Variants in ATP6V0A4 observed in about 807,000 individuals in gnomAD.
The protein encoded by ATP6V0A4 is ATPase H+ transporting V0 subunit a4.
A neutral mutation model predicts 107.3 loss-of-function variants in ATP6V0A4; 86 were observed. The ratio of observed to expected loss-of-function variants is 0.80; its 90% CI spans 0.67 to 0.96. The LOEUF is 0.96. Ranked by LOEUF, ATP6V0A4 falls within the 40% of genes least tolerant of loss-of-function variation. ATP6V0A4 has a pLI of 0.00. For synonymous variants in ATP6V0A4, 353 were observed against 381.4 expected (o/e 0.93, Z 0.87); for missense variants, 908 against 1,045.6 (o/e 0.87, Z 1.81).
chr7:138,747,275 T>C, intron 13 of ATP6V0A4, 150 bp downstream of exon 13: 1 of 1,031,410 alleles, frequency 9.7e-7, no homozygotes. Context: ...GAATTACCTT[T>C]GGCCAGAAGT....
At position 138,745,296 on chromosome 7, in the gene ATP6V0A4, C is replaced by CAGAGAGG. The variant is rs1805857549; in HGVS notation, c.1321-23_1321-17dup. 1 of 1,613,636 alleles carries CAGAGAGG rather than the reference C, an allele frequency of 6.2e-7. No individual in the cohort carries two copies. The highest frequency in any genetic ancestry group is 1.3e-5 in the African/African-American group (1 of 74,884). On this transcript the variant is annotated splice_polypyrimidine_tract_variant and intron_variant, in intron 13 of 21. Coordinates refer to ENST00000310018, the MANE Select transcript of ATP6V0A4 (RefSeq NM_020632.3). ...TGTTCCAAATCTGGCCTCAGAGAGA[C>CAGAGAGG]AGAGAGGATGATTGTCAGTGGGCTC... is the stretch of plus-strand genomic sequence containing the variant.
At position 138,759,857 on chromosome 7, in the gene ATP6V0A4, G is replaced by T; in HGVS notation, c.534C>A (p.Asn178Lys). ...GKLGFIAGVI[N>K]RERMASFERL... The stretch of plus-strand genomic sequence containing the variant: ...GCTCAAAGGAAGCCATCCTCTCCCT[G>T]TTGATCACACCGGCTATGAACCTAG... Residue 178 changes from asparagine to lysine, a missense_variant, in exon 8 of 22, where the codon AAC (asparagine) becomes AAA (lysine). Asn to Lys is a moderately conservative substitution (Grantham distance 94). Coordinates refer to ENST00000310018, the MANE Select transcript of ATP6V0A4 (RefSeq NM_020632.3). The T allele has an allele frequency of 6.2e-7, 1 of 1,614,098 alleles. No homozygotes were observed. The highest frequency in any genetic ancestry group is 8.5e-7 in the Non-Finnish European group (1 of 1,180,020).
At chr7:138,729,446 A>G (rs1804878972) in intron 17 of ATP6V0A4, among the ~76,000 whole-genome samples, 2 of 152,232 alleles carry the variant, frequency 1.3e-5, no homozygotes, top group African/African-American at 2.4e-5. Context: ...AATTTACTCA[A>G]CAGGCTCTGG....
chr7:138,758,738 A>AGTTTT, intron 8 of ATP6V0A4, among the ~76,000 whole-genome samples: 1 of 72,036 alleles, frequency 1.4e-5, no homozygotes, highest in Admixed American at 2.3e-4. Flanking sequence ...ACTGACTCAG[A>AGTTTT]ATTTTTTTTT....
At chr7:138,726,365 G>A (rs187820354) in intron 18 of ATP6V0A4, among the ~76,000 whole-genome samples, 1 of 152,330 alleles carries the variant, frequency 6.6e-6, no homozygotes, top group African/African-American at 2.4e-5. Flanking sequence ...TGGGTTCATA[G>A]CAGCAAGTCA....
intron 10 of ATP6V0A4, among the ~76,000 whole-genome samples, chr7:138,753,857 A>G (rs1806363208): frequency 6.6e-6 from 1 of 152,218 alleles, no homozygotes; most frequent in African/African-American, 2.4e-5. Flanking sequence ...CTCAAAGAGC[A>G]TAGCCCGAAT....
chr7:138,757,321 G>T (rs1806560567), intron 8 of ATP6V0A4, among the ~76,000 whole-genome samples: 1 of 152,136 alleles, frequency 6.6e-6, no homozygotes, highest in Non-Finnish European at 1.5e-5. Flanking sequence ...TTCAAGACCA[G>T]CCTGGGCAAC....
In ATP6V0A4 at chr7:138,756,467, A is replaced by G; in HGVS notation, c.713T>C (p.Ile238Thr). The G allele has an allele frequency of 6.2e-7, 1 of 1,612,888 alleles. No homozygotes were observed. The highest frequency in any genetic ancestry group is 1.1e-5 in the South Asian group (1 of 91,070). The part of the protein sequence containing the change: ...GEQLRQKIKK[I>T]CDGFRATVYP... The stretch of plus-strand genomic sequence containing the variant: ...ATTCACTCCCTCTTACCCATCACAG[A>G]TCTTCTTGATTTTCTGCCTGAGCTG... Residue 238 changes from isoleucine to threonine, a missense_variant, in exon 9 of 22, where the codon ATC (isoleucine) becomes ACC (threonine). Ile to Thr is a moderately conservative substitution (Grantham distance 89, BLOSUM62 -1). Transcript: ENST00000310018.
At chr7:138,766,417 G>A (rs548430479) in intron 5 of ATP6V0A4, among the ~76,000 whole-genome samples, 12 of 151,364 alleles carry the variant, frequency 7.9e-5, no homozygotes, top group African/African-American at 2.9e-4. Flanking sequence ...TGTTAGTCAG[G>A]CTGGTCTCGA....
At chr7:138,742,047 A>G (rs1805658644) in intron 14 of ATP6V0A4, among the ~76,000 whole-genome samples, 1 of 152,238 alleles carries the variant, frequency 6.6e-6, no homozygotes, top group Non-Finnish European at 1.5e-5. Context: ...CAAGACAGTT[A>G]ATTCGGGCCT....
chr7:138,764,351 A>G (rs1241530497), intron 5 of ATP6V0A4, among the ~76,000 whole-genome samples: 1 of 152,096 alleles, frequency 6.6e-6, no homozygotes, highest in African/African-American at 2.4e-5. Flanking sequence ...TATACCTTAC[A>G]TGTTTTATAA....
At chr7:138,714,256 T>C (rs1584889044) in intron 20 of ATP6V0A4, among the ~76,000 whole-genome samples, 1 of 135,060 alleles carries the variant, frequency 7.4e-6, no homozygotes, top group Admixed American at 7.5e-5. Context: ...AAAAAAACGC[T>C]CCTCAGGGCC....
intron 1 of ATP6V0A4, among the ~76,000 whole-genome samples, chr7:138,789,013 C>T (rs1008666529): frequency 1.3e-5 from 2 of 152,098 alleles, no homozygotes; most frequent in Non-Finnish European, 2.9e-5. Flanking sequence ...AAGATTGGCC[C>T]GGATGGTCTC....
At chr7:138,767,047 A>C (rs1210082914) in intron 5 of ATP6V0A4, among the ~76,000 whole-genome samples, 1 of 152,246 alleles carries the variant, frequency 6.6e-6, no homozygotes, top group African/African-American at 2.4e-5. Flanking sequence ...TCTATTAGCC[A>C]AGCACTTTAA....
Position 138,715,818 on chromosome 7 carries a change from T to C in ATP6V0A4, c.2203A>G (p.Ile735Val), listed in dbSNP as rs749525570. 4.3e-6 allele frequency: 7 copies of C among 1,613,702 alleles called. No homozygotes were observed. The highest frequency in any genetic ancestry group is 1.7e-5 in the Admixed American group (1 of 60,014). Residue 735 changes from isoleucine to valine, a missense_variant, in exon 20 of 22, where the codon ATT (isoleucine) becomes GTT (valine). Physicochemically the swap from Ile to Val is conservative, Grantham distance 29 (BLOSUM62 3). Coordinates refer to ENST00000310018, the MANE Select transcript of ATP6V0A4 (RefSeq NM_020632.3). ...IHTIEYCLGC[I>V]SNTASYLRLW... ...CGCAGGTAGGAGGCTGTGTTTGAAA[T>C]GCAGCCCAGGCAGTACTCGATGGTG... is the stretch of plus-strand genomic sequence containing the variant.
At chr7:138,777,635 C>CT (rs1807728144) in intron 2 of ATP6V0A4, among the ~76,000 whole-genome samples, 1 of 128,684 alleles carries the variant, frequency 7.8e-6, no homozygotes, top group Admixed American at 8.9e-5. Context: ...AAAAAAAATA[C>CT]ACACACACAC....
At chr7:138,749,419 C>T (rs758610007) in intron 11 of ATP6V0A4, 102 bp from the exon 12 acceptor site, 35 of 1,385,688 alleles carry the variant, frequency 2.5e-5, no homozygotes, top group African/African-American at 5.8e-5. Flanking sequence ...CCTCACTGAG[C>T]GAACTTGGGG....
intron 3 of ATP6V0A4, among the ~76,000 whole-genome samples, chr7:138,770,097 T>A (rs1172166282): frequency 6.6e-6 from 1 of 151,884 alleles, no homozygotes; most frequent in Admixed American, 6.6e-5. Flanking sequence ...ATTTAAAACT[T>A]TTGTGCATCA....
intron 3 of ATP6V0A4, 81 bp downstream of exon 3, chr7:138,771,050 T>A: frequency 7.4e-7 from 1 of 1,345,560 alleles, no homozygotes; most frequent in South Asian, 1.2e-5. Context: ...ATGGTTATTG[T>A]TCACCATAAA....
Sources: allele counts gnomAD v4.1 joint callset (sites outside exome capture counted in the v4.1 genomes callset), GRCh38; gene constraint gnomAD v4.1.1; transcripts MANE v1.5; gene names NCBI Gene and HGNC (gene_info 2026-07-23, HGNC 2026-07-21).